The following PPP2R2C variants were observed in gnomAD, a reference collection of about 807,000 sequenced individuals.
PPP2R2C encodes protein phosphatase 2, regulatory subunit B, gamma.
Under a neutral mutation model 45.3 loss-of-function variants are expected in PPP2R2C, and 10 were observed. The ratio of observed to expected loss-of-function variants is 0.22; its 90% CI spans 0.14 to 0.37. The LOEUF (loss-of-function observed/expected upper bound fraction) is 0.37, where lower values mean the gene tolerates loss of function less well. PPP2R2C is among the 10% of genes least tolerant of loss of function. The pLI, the probability that PPP2R2C is intolerant of heterozygous loss-of-function variation, is 1.00. For missense variants in PPP2R2C, 308 were observed against 619.7 expected, an observed-to-expected ratio of 0.50 and a Z score of 5.34; for synonymous variants, 257 against 245.4, an observed-to-expected ratio of 1.05 and a Z score of -0.44.
chr4:6,391,895 GC>G (rs2109334011), intron 1 of PPP2R2C, among the ~76,000 whole-genome samples: 1 of 152,366 alleles, frequency 6.6e-6, no homozygotes, highest in Admixed American at 6.5e-5. Context: ...CTTGGGCAAA[GC>G]CCTTCACACC....
At chr4:6,326,559 G>A (rs558291812) in intron 8 of PPP2R2C, among the ~76,000 whole-genome samples, 2 of 152,316 alleles carry the variant, frequency 1.3e-5, no homozygotes, top group African/African-American at 4.8e-5. Context: ...CAATAGGATA[G>A]TCCACGCAGG....
At chr4:6,409,614 G>A (rs539671048) in intron 1 of PPP2R2C, among the ~76,000 whole-genome samples, 1 of 152,310 alleles carries the variant, frequency 6.6e-6, no homozygotes, top group East Asian at 1.9e-4. Context: ...ACTGGCCAGA[G>A]AGTAGCAAGA....
chr4:6,429,510 C>A (rs1026632937), intron 1 of PPP2R2C, among the ~76,000 whole-genome samples: 3 of 152,006 alleles, frequency 2.0e-5, no homozygotes, highest in Non-Finnish European at 4.4e-5. Context: ...GCCAGGTATC[C>A]CAGTGAATGT....
At chr4:6,555,718 C>A (rs1725377747) in intron 1 of PPP2R2C, 2 of 152,242 alleles carry the variant, frequency 1.3e-5, no homozygotes, top group African/African-American at 4.8e-5. Context: ...ATTAGGAATT[C>A]CACAATGACA....
chr4:6,443,031 A>G (rs917791761), intron 1 of PPP2R2C, among the ~76,000 whole-genome samples: 3 of 152,158 alleles, frequency 2.0e-5, no homozygotes, highest in Non-Finnish European at 4.4e-5. Flanking sequence ...CTCGGTGACT[A>G]CTGCCCACCT....
intron 1 of PPP2R2C, among the ~76,000 whole-genome samples, chr4:6,466,681 T>G (rs1227905387): frequency 1.3e-5 from 2 of 152,098 alleles, no homozygotes; most frequent in East Asian, 3.9e-4. Flanking sequence ...TCTTCCAGTC[T>G]CAAGGCCTAA....
At chr4:6,355,105 T>C (rs1713028067) in intron 5 of PPP2R2C, among the ~76,000 whole-genome samples, 2 of 152,254 alleles carry the variant, frequency 1.3e-5, no homozygotes, top group African/African-American at 2.4e-5. Flanking sequence ...GGCCTGTTTG[T>C]TGCTATCTGT....
chr4:6,527,275 C>A (rs1215176473), intron 2 of PPP2R2C, among the ~76,000 whole-genome samples: 4 of 152,148 alleles, frequency 2.6e-5, no homozygotes, highest in African/African-American at 9.7e-5. Context: ...CTCGGTTTAC[C>A]CCGCTAGAAG....
chr4:6,357,142 C>T (rs532617930), intron 5 of PPP2R2C, among the ~76,000 whole-genome samples: 13 of 147,490 alleles, frequency 8.8e-5, no homozygotes, highest in Middle Eastern at 3.7e-3. Context: ...TGTGGCACCT[C>T]GGGTCAGTCT....
At chr4:6,483,173 G>C (rs1049309224) in intron 2 of PPP2R2C, among the ~76,000 whole-genome samples, 33 of 151,576 alleles carry the variant, frequency 2.2e-4, no homozygotes, top group African/African-American at 7.7e-4. Flanking sequence ...ACGATAGATA[G>C]AGCCATATTT....
intron 1 of PPP2R2C, among the ~76,000 whole-genome samples, chr4:6,416,168 C>CCAG (rs761249525): frequency 0.29 from 44,216 of 152,030 alleles, 6,852 homozygotes; most frequent in East Asian, 0.61. Flanking sequence ...ACCAGCCTAA[C>CCAG]AAGGATAACA....
intron 1 of PPP2R2C, among the ~76,000 whole-genome samples, chr4:6,468,991 C>T (rs1456444980): frequency 6.6e-6 from 1 of 150,540 alleles, no homozygotes; most frequent in African/African-American, 2.5e-5. Flanking sequence ...TCTGTGCCCC[C>T]AGGTGGCCTG....
chr4:6,481,376 T>A (rs1410246289), intron 2 of PPP2R2C, among the ~76,000 whole-genome samples: 1 of 152,214 alleles, frequency 6.6e-6, no homozygotes, highest in African/African-American at 2.4e-5. Flanking sequence ...TTTTTCCATA[T>A]GAAGAAAATA....
chr4:6,469,151 C>G (rs1417676747), intron 1 of PPP2R2C, among the ~76,000 whole-genome samples: 2 of 135,766 alleles, frequency 1.5e-5, no homozygotes, highest in Admixed American at 1.5e-4. Flanking sequence ...GAATGACTAA[C>G]AAAACCTAAA....
chr4:6,505,629 A>T (rs1410023445), intron 2 of PPP2R2C, among the ~76,000 whole-genome samples: 1 of 152,236 alleles, frequency 6.6e-6, no homozygotes, highest in African/African-American at 2.4e-5. Context: ...GCAGAGATAG[A>T]GATTTAAAAG....
At chr4:6,517,292 A>C (rs931943339) in intron 2 of PPP2R2C, among the ~76,000 whole-genome samples, 1 of 152,106 alleles carries the variant, frequency 6.6e-6, no homozygotes, top group Non-Finnish European at 1.5e-5. Flanking sequence ...ACACAACTGA[A>C]TCTCAACCCA....
chr4:6,385,189 C>T (rs964154661), intron 1 of PPP2R2C, among the ~76,000 whole-genome samples: 9 of 152,166 alleles, frequency 5.9e-5, no homozygotes, highest in African/African-American at 2.2e-4. Flanking sequence ...TGGATGGTCC[C>T]GCCTACCAGT....
intron 1 of PPP2R2C, among the ~76,000 whole-genome samples, chr4:6,549,188 C>A (rs551264723): frequency 3.9e-4 from 60 of 152,144 alleles, no homozygotes; most frequent in Non-Finnish European, 8.2e-4. Context: ...TCACTTTGCC[C>A]CCCACAAAGT....
At chr4:6,489,715 C>G (rs115209224) in intron 2 of PPP2R2C, among the ~76,000 whole-genome samples, 5 of 152,140 alleles carry the variant, frequency 3.3e-5, no homozygotes, top group African/African-American at 1.2e-4. Flanking sequence ...TTGCCCTTAA[C>G]TTTTTCAGAT....
Sources: gnomAD v4.1 joint callset for allele counts (sites outside exome capture counted in the v4.1 genomes callset) on GRCh38, gnomAD v4.1.1 for gene constraint, MANE v1.5 for transcripts, NCBI Gene and HGNC (gene_info 2026-07-23, HGNC 2026-07-21) for gene names.